PPL: variants seen among roughly 807,000 people sequenced by gnomAD.
PPL encodes the protein periplakin.
PPL carries 198 observed loss-of-function variants against 194.4 expected under a neutral mutation model. That is an observed-to-expected ratio of 1.02 (90% CI 0.91 to 1.15). The LOEUF is 1.15. Among genes scored for constraint, PPL ranks in the 50% most tolerant of loss-of-function variants. The pLI is 0.00. For synonymous variants in PPL, 1,220 were observed against 972.4 expected, an observed-to-expected ratio of 1.25 and a Z score of -4.74; for missense variants, 2,885 against 2,294.8, an observed-to-expected ratio of 1.26 and a Z score of -5.25.
rs111337865 is a variant in PPL, at chr16:4,921,787, C to T, written c.63-10838G>A. On this transcript the variant is annotated intron_variant, in intron 1 of 21. Transcript: ENST00000345988. ...TGGCCCCAGCCTGCATTAGAGGTGG[C>T]AACTCGAGGCTGAGGACCCAGTGGC... is the stretch of plus-strand genomic sequence containing the variant. 6.6e-3 allele frequency among the ~76,000 whole-genome samples: 997 copies of T among 152,070 alleles called. 5 individuals are homozygous for T. The highest frequency in any genetic ancestry group is 0.011 in the Non-Finnish European group (729 of 67,976).
rs924033913 is a variant in PPL at position 4,890,258 on chromosome 16, C to G, written c.2239G>C (p.Val747Leu). ...RGHDHVLQFLVSIPSYEPQET... is the reference protein window; with the variant it reads ...RGHDHVLQFLLSIPSYEPQET... ...TGGGGCTCGTAACTGGGGATGCTGA[C>G]TAGGAACTGCAGCACGTGGTCATGG... Residue 747 changes from valine (V) to leucine (L), a missense_variant, in exon 18 of 22, where the codon GTC (valine) becomes CTC (leucine). By Grantham distance (32) the Val-to-Leu change is conservative (BLOSUM62 1). Coordinates refer to ENST00000345988, the MANE Select transcript of PPL (RefSeq NM_002705.5). 6.2e-7 allele frequency: 1 copy of G among 1,614,228 alleles called. No homozygotes were observed. The highest frequency in any genetic ancestry group is 1.1e-5 in the South Asian group (1 of 91,090).
chr16:4,907,397 T>C (rs1013658135), intron 2 of PPL, among the ~76,000 whole-genome samples: 6 of 151,524 alleles, frequency 4.0e-5, no homozygotes, highest in African/African-American at 1.5e-4. Context: ...ACGTTCCTTG[T>C]AGGATCAGGT....
At chr16:4,916,387 C>T (rs1427932688) in intron 1 of PPL, among the ~76,000 whole-genome samples, 3 of 152,014 alleles carry the variant, frequency 2.0e-5, no homozygotes, top group African/African-American at 4.8e-5. Flanking sequence ...AACTTTTGTA[C>T]TTTTAGTAGA....
In PPL at chr16:4,897,678, G is replaced by A; in HGVS notation, c.969C>T (p.His323=). 6.2e-7 allele frequency: 1 copy of A among 1,613,000 alleles called. No homozygotes were observed. The highest frequency in any genetic ancestry group is 1.1e-5 in the South Asian group (1 of 91,032). ...ESHLKYMEDY[H]QFHEDVKDAQ... The stretch of plus-strand genomic sequence containing the variant: ...GACTCCCAGGAAAGGTAAGTACCTG[G>A]TGGTAGTCCTCCATGTACTTGAGGT... The change falls in exon 9 of 22, where the codon CAC becomes CAT. Residue 323 remains histidine, a synonymous_variant. Coordinates refer to ENST00000345988, the MANE Select transcript of PPL (RefSeq NM_002705.5).
chr16:4,895,225 T>C (rs1006718548), intron 11 of PPL, 36 bp downstream of exon 11: 8 of 1,558,468 alleles, frequency 5.1e-6, no homozygotes, highest in Non-Finnish European at 6.1e-6. Context: ...CCAAAAACTT[T>C]GTAGTGATGT....
intron 1 of PPL, among the ~76,000 whole-genome samples, chr16:4,926,785 G>A (rs147467639): frequency 0.01 from 1,494 of 148,478 alleles, 89 homozygotes; most frequent in Admixed American, 0.087. Flanking sequence ...AGGCTGAGGC[G>A]GGAGAATGGC....
chr16:4,912,800 A>G (rs910007185), intron 1 of PPL, among the ~76,000 whole-genome samples: 2 of 152,194 alleles, frequency 1.3e-5, no homozygotes, highest in African/African-American at 4.8e-5. Flanking sequence ...TGATCTTCTC[A>G]GAGCGCCTGA....
intron 3 of PPL, among the ~76,000 whole-genome samples, chr16:4,903,285 G>A: frequency 6.6e-6 from 1 of 152,122 alleles, no homozygotes; most frequent in South Asian, 2.1e-4. Flanking sequence ...GGAAGCCAGG[G>A]ACAGGGCACC....
chr16:4,918,288 A>C lies in PPL; in HGVS notation c.63-7339T>G, dbSNP rs1478049636. Reference sequence around the variant, plus strand: ...AGCCTGGGCGACAGAGCAAGACTCCATTTCAAAAAAAAAAAAAAGGCAAGT... The same window carrying C: ...AGCCTGGGCGACAGAGCAAGACTCCCTTTCAAAAAAAAAAAAAAGGCAAGT... On this transcript the variant is annotated intron_variant, in intron 1 of 21. Coordinates refer to ENST00000345988, the MANE Select transcript of PPL (RefSeq NM_002705.5). Among the ~76,000 whole-genome samples the C allele has an allele frequency of 3.0e-5, 2 of 66,208 alleles. 1 individual carries two copies. Among genetic ancestry groups the C allele is most frequent in the African/African-American group, 6.0e-5 (2 of 33,076 alleles). The allele number at this position is 66,208 out of a possible 152,430, so 43.4% of individuals were successfully genotyped here.
intron 2 of PPL, among the ~76,000 whole-genome samples, chr16:4,909,095 A>AG (rs2088765679): frequency 2.0e-5 from 3 of 152,126 alleles, no homozygotes; most frequent in South Asian, 2.1e-4. Context: ...GTGGAGGCCC[A>AG]GGGGGGCATG....
chr16:4,931,643 C>T (rs984800860), intron 1 of PPL, among the ~76,000 whole-genome samples: 2 of 152,216 alleles, frequency 1.3e-5, no homozygotes, highest in African/African-American at 4.8e-5. Context: ...CAGAGAGCAG[C>T]TGCACGCTGG....
At chr16:4,890,394 AT>A (rs34953070) in intron 17 of PPL, 60 bp from the exon 18 acceptor site, 13,448 of 1,074,068 alleles carry the variant, frequency 0.013, 5 homozygotes, top group East Asian at 0.017. Context: ...CCGAGCCCTC[AT>A]TTTTTTTTTT....
intron 2 of PPL, among the ~76,000 whole-genome samples, chr16:4,905,821 G>T (rs1282157891): frequency 6.6e-6 from 1 of 152,180 alleles, no homozygotes; most frequent in Non-Finnish European, 1.5e-5. Context: ...AAAGCCGCTG[G>T]AGGCCAGGCA....
chr16:4,910,898 G>C lies in PPL; in HGVS notation c.114C>G (p.Ala38=), dbSNP rs544901430. The C allele has an allele frequency of 1.9e-6, 3 of 1,613,698 alleles. No homozygotes were observed. Among genetic ancestry groups the C allele is most frequent in the Non-Finnish European group, 2.5e-6 (3 of 1,180,018 alleles). The change falls in exon 2 of 22, where the codon GCC becomes GCG. Residue 38 remains alanine, a synonymous_variant. Transcript: ENST00000345988. The part of the protein sequence containing the change: ...SELIEQLQKN[A]DQVEKNIVDT... Reference sequence around the variant, plus strand: ...CCACGATGTTCTTCTCCACCTGGTCGGCATTCTTCTGCAGCTGCTCGATCA... The same window carrying C: ...CCACGATGTTCTTCTCCACCTGGTCCGCATTCTTCTGCAGCTGCTCGATCA...
chr16:4,903,927 G>T lies in PPL; in HGVS notation c.276C>A (p.Ala92=), dbSNP rs762449466. 2 of 1,614,056 alleles carry T rather than the reference G, an allele frequency of 1.2e-6. No individual in the cohort carries two copies. Among genetic ancestry groups the T allele is most frequent in the Non-Finnish European group, 8.5e-7 (1 of 1,180,032 alleles). ...LYVLEADAAI[A]KHMKHPQGDM... ...CCCCCTGTGGGTGCTTCATGTGCTT[G>T]GCAATGGCCGCATCCGCCTCTAGCA... The change falls in exon 3 of 22, where the codon GCC becomes GCA. Residue 92 remains alanine (A), a synonymous_variant. Transcript: ENST00000345988.
At chr16:4,934,802 G>C (rs1349546117) in intron 1 of PPL, among the ~76,000 whole-genome samples, 1 of 152,174 alleles carries the variant, frequency 6.6e-6, no homozygotes, top group Non-Finnish European at 1.5e-5. Context: ...ATGTTCAAGA[G>C]ATGCGTTTGA....
At chr16:4,897,623 C>G (rs2088457670) in intron 9 of PPL, 52 bp downstream of exon 9, 1 of 1,474,690 alleles carries the variant, frequency 6.8e-7, no homozygotes, top group African/African-American at 1.4e-5. Flanking sequence ...ACTGAGCGCT[C>G]TCAGAGAGTA....
chr16:4,890,868 C>T lies in PPL; in HGVS notation c.2022G>A (p.Gln674=). Residue 674 remains glutamine (Q), a synonymous_variant, in exon 17 of 22, where the codon CAG becomes CAA. Coordinates refer to ENST00000345988, the MANE Select transcript of PPL (RefSeq NM_002705.5). ...AGCACTGCTTGGCCGCCTGCAAGTT[C>T]TGCTCCACCTCACCCAGGAGGGACT... The part of the protein sequence containing the change: ...AQKSLLGEVE[Q]NLQAAKQCSS... 1 of 1,552,128 alleles carries T rather than the reference C, an allele frequency of 6.4e-7. No individual in the cohort carries two copies.
rs375408619 is a variant in PPL at position 4,890,927 on chromosome 16, G to T, written c.1969-6C>A. 6.6e-7 allele frequency: 1 copy of T among 1,509,830 alleles called. No homozygotes were observed. Among genetic ancestry groups the T allele is most frequent in the South Asian group, 1.2e-5 (1 of 81,130 alleles). The allele number at this position is 1,509,830 out of a possible 1,614,324, so 93.5% of individuals were successfully genotyped here. ...TGTAACTCACAGGCCATGGCCTGGC[G>T]GGGCAGAGGAGGAGACGGCGGTGCT... On this transcript the variant is annotated splice_polypyrimidine_tract_variant and splice_region_variant and intron_variant, in intron 16 of 21. Transcript: ENST00000345988.
Sources: allele counts gnomAD v4.1 joint callset (sites outside exome capture counted in the v4.1 genomes callset), GRCh38; gene constraint gnomAD v4.1.1; transcripts MANE v1.5; gene names NCBI Gene and HGNC (gene_info 2026-07-23, HGNC 2026-07-21).